The following KIAA1328 variants were observed in gnomAD, a reference collection of about 807,000 sequenced individuals.
KIAA1328 encodes the protein protein hinderin.
In KIAA1328, 52 loss-of-function variants were observed where a neutral mutation model predicts 68.1. That is an observed-to-expected ratio of 0.76 (90% CI 0.61 to 0.96). The LOEUF is 0.96. Ranked by LOEUF, KIAA1328 falls within the 40% of genes least tolerant of loss-of-function variation. The probability of loss-of-function intolerance (pLI) is 0.00; values close to 1 mark genes in which losing one functional copy is unlikely to be tolerated. For synonymous variants in KIAA1328, 232 were observed against 239.4 expected (o/e 0.97, Z 0.28); for missense variants, 641 against 677.6 (o/e 0.95, Z 0.60).
At chr18:37,109,715 C>T (rs999666155) in intron 7 of KIAA1328, among the ~76,000 whole-genome samples, 3 of 152,254 alleles carry the variant, frequency 2.0e-5, no homozygotes, top group South Asian at 2.1e-4. Flanking sequence ...ATCTGCTGCA[C>T]GTGAATAGAC....
chr18:37,060,844 G>T (rs555546682), intron 6 of KIAA1328, among the ~76,000 whole-genome samples: 1 of 152,310 alleles, frequency 6.6e-6, no homozygotes, highest in African/African-American at 2.4e-5. Context: ...CGGGCTGAGC[G>T]CTGTGGCTCA....
At chr18:36,970,431 A>G (rs1472487808) in intron 6 of KIAA1328, among the ~76,000 whole-genome samples, 1 of 152,186 alleles carries the variant, frequency 6.6e-6, no homozygotes, top group Non-Finnish European at 1.5e-5. Context: ...CTCTTACTCA[A>G]CGTAGTATTG....
At chr18:37,136,698 G>C (rs952429397) in intron 7 of KIAA1328, among the ~76,000 whole-genome samples, 2 of 152,194 alleles carry the variant, frequency 1.3e-5, no homozygotes, top group African/African-American at 2.4e-5. Flanking sequence ...GACAATCTTC[G>C]TACTTTGGTT....
intron 6 of KIAA1328, among the ~76,000 whole-genome samples, chr18:37,064,424 A>G (rs1274761257): frequency 6.6e-6 from 1 of 151,964 alleles, no homozygotes; most frequent in East Asian, 1.9e-4. Flanking sequence ...CTCCCCTTAT[A>G]CTAGGGATCT....
intron 5 of KIAA1328, among the ~76,000 whole-genome samples, chr18:36,905,140 C>T (rs1353243658): frequency 6.6e-6 from 1 of 150,670 alleles, no homozygotes; most frequent in Non-Finnish European, 1.5e-5. Flanking sequence ...GAGACGGAGT[C>T]TTGCTCTGTT....
At chr18:36,906,035 C>A (rs1229017782) in intron 5 of KIAA1328, among the ~76,000 whole-genome samples, 1 of 152,116 alleles carries the variant, frequency 6.6e-6, no homozygotes, top group African/African-American at 2.4e-5. Flanking sequence ...AACTACAGTG[C>A]TAATGTATAC....
intron 7 of KIAA1328, among the ~76,000 whole-genome samples, chr18:37,118,628 G>C (rs1568430556): frequency 6.6e-6 from 1 of 152,168 alleles, no homozygotes; most frequent in Non-Finnish European, 1.5e-5. Flanking sequence ...GACTTGAATT[G>C]ATCAAAGTAG....
chr18:37,041,878 A>G (rs1039190004), intron 6 of KIAA1328, among the ~76,000 whole-genome samples: 8 of 151,988 alleles, frequency 5.3e-5, no homozygotes, highest in African/African-American at 1.9e-4. Flanking sequence ...TCATACAGAT[A>G]ATATTTTTAT....
chr18:37,116,634 C>T (rs189973495), intron 7 of KIAA1328, among the ~76,000 whole-genome samples: 1,645 of 151,644 alleles, frequency 0.011, 36 homozygotes, highest in African/African-American at 0.037. Context: ...CCAAAAGCAA[C>T]GGCAACAAAA....
At chr18:37,063,570 G>T in intron 6 of KIAA1328, 2 of 892,990 alleles carry the variant, frequency 2.2e-6, no homozygotes, top group Non-Finnish European at 2.7e-6. Flanking sequence ...CGTACACTAG[G>T]GGGTGAGAAT....
rs574129385 is a variant in KIAA1328, at chr18:37,210,283, G to A, written c.1524-11734G>A. On this transcript the variant is annotated intron_variant, in intron 9 of 9. Transcript: ENST00000280020. The stretch of plus-strand genomic sequence containing the variant: ...TTTGTCTTGTTATCTTGCTAGTTCA[G>A]AGGTAAACGAAACTAGAAAGAGAGC... 1.8e-4 allele frequency among the ~76,000 whole-genome samples: 27 copies of A among 152,292 alleles called. 1 individual carries two copies. The highest frequency in any genetic ancestry group is 6.5e-4 in the Admixed American group (10 of 15,286).
At chr18:36,872,586 C>T (rs1374904419) in intron 4 of KIAA1328, among the ~76,000 whole-genome samples, 1 of 152,102 alleles carries the variant, frequency 6.6e-6, no homozygotes, top group East Asian at 1.9e-4. Context: ...TAACACAACT[C>T]CTACACTAAA....
intron 5 of KIAA1328, among the ~76,000 whole-genome samples, chr18:36,926,099 G>A (rs886883344): frequency 6.6e-6 from 1 of 151,872 alleles, no homozygotes; most frequent in African/African-American, 2.4e-5. Context: ...TTCATGTTTA[G>A]TTTACTATGA....
chr18:36,885,795 G>A (rs563985966), intron 5 of KIAA1328, 123 bp downstream of exon 5: 24 of 591,336 alleles, frequency 4.1e-5, no homozygotes, highest in African/African-American at 2.0e-4. Context: ...TCAGTTCACC[G>A]CAACCTCCAC....
rs1378652866 is a variant in KIAA1328 at position 37,041,242 on chromosome 18, ATATATT to A, written c.577-25643_577-25638del. Among the ~76,000 whole-genome samples, 7 of 152,016 alleles carry A rather than the reference ATATATT, an allele frequency of 4.6e-5. No individual in the cohort carries two copies. In the South Asian group the frequency reaches 6.2e-4, roughly 13 times the overall value. ...CTTGGGACTCAGTTGTCAGACTTAC[ATATATT>A]TATAATTATTATGTCTTTCTTATTA... is the stretch of plus-strand genomic sequence containing the variant. On this transcript the variant is annotated intron_variant, in intron 6 of 9. Transcript: ENST00000280020.
chr18:37,069,010 G>A (rs141253049), intron 7 of KIAA1328, among the ~76,000 whole-genome samples: 23 of 151,830 alleles, frequency 1.5e-4, no homozygotes, highest in Non-Finnish European at 2.9e-4. Context: ...TTTTTTTTCT[G>A]TTACGGATTA....
At chr18:36,985,385 T>C (rs1207580681) in intron 6 of KIAA1328, among the ~76,000 whole-genome samples, 2 of 152,106 alleles carry the variant, frequency 1.3e-5, no homozygotes, top group Admixed American at 6.5e-5. Flanking sequence ...AAAATTTATA[T>C]GGAAATGTAA....
At chr18:37,047,460 T>G (rs1349099112) in intron 6 of KIAA1328, among the ~76,000 whole-genome samples, 1 of 152,166 alleles carries the variant, frequency 6.6e-6, no homozygotes, top group Non-Finnish European at 1.5e-5. Context: ...TTCCTAAAAT[T>G]TTGGCTGCAT....
chr18:37,164,758 C>A (rs376606258), intron 8 of KIAA1328, among the ~76,000 whole-genome samples: 165 of 152,012 alleles, frequency 1.1e-3, no homozygotes, highest in African/African-American at 3.2e-3. Flanking sequence ...AAATCAAAAT[C>A]AAAATAAAAA....
Sources: gnomAD v4.1 joint callset for allele counts (sites outside exome capture counted in the v4.1 genomes callset) on GRCh38, gnomAD v4.1.1 for gene constraint, MANE v1.5 for transcripts, NCBI Gene and HGNC (gene_info 2026-07-23, HGNC 2026-07-21) for gene names.